The following PCDHA6 variants were observed in gnomAD, a reference collection of about 807,000 sequenced individuals.
PCDHA6 encodes the protein protocadherin alpha-6.
A neutral mutation model predicts 60.3 loss-of-function variants in PCDHA6; 55 were observed. The ratio of observed to expected loss-of-function variants is 0.91; its 90% CI spans 0.73 to 1.14. The LOEUF is 1.14. Among genes scored for constraint, PCDHA6 ranks in the 50% most tolerant of loss-of-function variants. The pLI is 0.00. For synonymous variants in PCDHA6, 652 were observed against 557.9 expected (o/e 1.17, Z -2.38); for missense variants, 1,327 against 1,256.5 (o/e 1.06, Z -0.85).
intron 1 of PCDHA6, among the ~76,000 whole-genome samples, chr5:140,899,462 T>C (rs2067338282): frequency 6.6e-6 from 1 of 152,366 alleles, no homozygotes; most frequent in Admixed American, 6.5e-5. Context: ...GTGGTTTTTG[T>C]CTTTGGTTCT....
intron 1 of PCDHA6, chr5:140,884,365 CT>C (rs1264541175): frequency 6.2e-7 from 1 of 1,613,846 alleles, no homozygotes; most frequent in Non-Finnish European, 8.5e-7. Context: ...TCAATGTTTA[CT>C]TGATCATTGC....
chr5:140,879,806 T>C (rs2058125905), intron 1 of PCDHA6, among the ~76,000 whole-genome samples: 1 of 152,250 alleles, frequency 6.6e-6, no homozygotes, highest in Non-Finnish European at 1.5e-5. Context: ...CCAGTTTCTA[T>C]TGGCTGTTGG....
At chr5:140,982,298 A>G (rs1371152402) in intron 2 of PCDHA6, 177 bp from the exon 3 acceptor site, 12 of 1,189,736 alleles carry the variant, frequency 1.0e-5, no homozygotes, top group Admixed American at 5.6e-5. Flanking sequence ...TAAGTCAGCA[A>G]TGCTTCTGCA....
intron 1 of PCDHA6, chr5:140,870,786 G>T: frequency 6.2e-7 from 1 of 1,613,634 alleles, no homozygotes; most frequent in East Asian, 2.2e-5. Context: ...ACGACAACGC[G>T]CCGGCACTGC....
At position 140,929,511 on chromosome 5, in the gene PCDHA6, G is replaced by A. The variant is rs113234119; in HGVS notation, c.2395-49438G>A. On this transcript the variant is annotated intron_variant, in intron 1 of 3. Coordinates refer to ENST00000529310, the MANE Select transcript of PCDHA6 (RefSeq NM_018909.4). ...TTAGAAGATTGCCCTAGGCCTCAAG[G>A]GACTTATAGTTTATTTTTGAGAAAC... 1,947 of 781,082 alleles carry A rather than the reference G, an allele frequency of 2.5e-3. 24 individuals carry two copies. The African/African-American group carries it at 0.032, about 13-fold the overall frequency. 48.4% of individuals were successfully genotyped at this position (781,082 alleles called of 1,614,324 possible).
chr5:140,902,201 T>C (rs1554190261), intron 1 of PCDHA6, among the ~76,000 whole-genome samples: 1 of 145,052 alleles, frequency 6.9e-6, no homozygotes. Flanking sequence ...CTCTCTCTCT[T>C]TCTTTTTTTT....
intron 3 of PCDHA6, among the ~76,000 whole-genome samples, chr5:140,985,903 C>G (rs1554247500): frequency 6.6e-6 from 1 of 151,964 alleles, no homozygotes; most frequent in Non-Finnish European, 1.5e-5. Context: ...CCACTCCCGT[C>G]TAATTTTTTG....
At chr5:141,000,381 CTCTCTCTCTCTCTCTA>C (rs1443323474) in intron 3 of PCDHA6, among the ~76,000 whole-genome samples, 1 of 61,380 alleles carries the variant, frequency 1.6e-5, no homozygotes, top group African/African-American at 7.4e-5. Flanking sequence ...CTCTCTCTCT[CTCTCTCTCTCTCTCTA>C]TATATATATA....
chr5:140,876,936 G>T, intron 1 of PCDHA6: 1 of 1,613,730 alleles, frequency 6.2e-7, no homozygotes, highest in South Asian at 1.1e-5. Flanking sequence ...AGAAGAACGC[G>T]CTGGTGTCCT....
At chr5:140,981,766 T>C (rs1321747581) in intron 2 of PCDHA6, among the ~76,000 whole-genome samples, 7 of 152,144 alleles carry the variant, frequency 4.6e-5, no homozygotes, top group Non-Finnish European at 1.0e-4. Flanking sequence ...CATACATAAA[T>C]GAATACTGCA....
intron 1 of PCDHA6, among the ~76,000 whole-genome samples, chr5:140,900,528 C>T (rs1261076566): frequency 2.6e-5 from 4 of 152,214 alleles, no homozygotes; most frequent in South Asian, 4.1e-4. Flanking sequence ...CTGCCCACCT[C>T]GGCTTTCCAA....
chr5:140,835,608 C>A (rs1554135105), intron 1 of PCDHA6: 3 of 1,613,898 alleles, frequency 1.9e-6, no homozygotes, highest in South Asian at 2.2e-5. Flanking sequence ...TTCATTGGTG[C>A]TGGACAGCGC....
chr5:140,927,814 G>GCATA (rs1554205103), intron 1 of PCDHA6: 1 of 1,614,172 alleles, frequency 6.2e-7, no homozygotes, highest in Non-Finnish European at 8.5e-7. Context: ...GCTCTTGGAG[G>GCATA]CATACATTGA....
intron 1 of PCDHA6, chr5:140,853,312 G>A (rs931070085): frequency 1.0e-6 from 1 of 983,988 alleles, no homozygotes; most frequent in Non-Finnish European, 1.2e-6. Context: ...GAACACCTTA[G>A]TAATAAATTT....
rs781930086 is a variant in PCDHA6, at chr5:140,857,347, G to C, written c.2394+26862G>C. On this transcript the variant is annotated intron_variant, in intron 1 of 3. Coordinates refer to ENST00000529310, the MANE Select transcript of PCDHA6 (RefSeq NM_018909.4). The stretch of plus-strand genomic sequence containing the variant: ...CCGCGCGGGACGGGGGCTCGCCTCC[G>C]CTGTGGGCCACGGCCAGCGTGTCTG... 2.9e-5 allele frequency: 46 copies of C among 1,598,352 alleles called. 5 individuals are homozygous for C. In the Admixed American group the frequency reaches 3.4e-4, roughly 12 times the overall value.
In PCDHA6 at chr5:140,830,646, T is replaced by C. The variant is rs1199441210; in HGVS notation, c.2394+161T>C. 6.5e-6 allele frequency: 3 copies of C among 458,330 alleles called. No homozygotes were observed. In the Admixed American group the frequency reaches 1.3e-4, roughly 20 times the overall value. The allele number at this position is 458,330 out of a possible 1,614,324, so 28.4% of individuals were successfully genotyped here. On this transcript the variant is annotated intron_variant, in intron 1 of 3. Transcript: ENST00000529310. ...TCTTATTTTAATCTCTTTGCTTCTT[T>C]AATATTCATAATTTAAGTGAAATTA...
At chr5:140,914,944 CTTTT>C (rs35695909) in intron 1 of PCDHA6, among the ~76,000 whole-genome samples, 298 of 128,244 alleles carry the variant, frequency 2.3e-3, no homozygotes, top group African/African-American at 8.2e-3. Flanking sequence ...GAAAAGTTGT[CTTTT>C]TTTTTTTTTT....
Position 140,856,604 on chromosome 5 carries a change from GA to G in PCDHA6, c.2394+26120del, listed in dbSNP as rs782310012. On this transcript the variant is annotated intron_variant, in intron 1 of 3. Transcript: ENST00000529310. ...TGTTCTTGATATTATAAACAAAAAA[GA>G]CAAAGACAAATTCCCAGTGCTTGTT... 3.6e-5 allele frequency: 57 copies of G among 1,597,724 alleles called. 2 individuals are homozygous for G. In the African/African-American group the frequency reaches 6.7e-4, roughly 19 times the overall value.
chr5:140,965,834 G>T (rs1018708290), intron 1 of PCDHA6, among the ~76,000 whole-genome samples: 1 of 152,128 alleles, frequency 6.6e-6, no homozygotes, highest in Admixed American at 6.5e-5. Context: ...TTAAATATTG[G>T]TTATTTGCCA....
Sources: allele counts gnomAD v4.1 joint callset (sites outside exome capture counted in the v4.1 genomes callset), GRCh38; gene constraint gnomAD v4.1.1; transcripts MANE v1.5; gene names NCBI Gene and HGNC (gene_info 2026-07-23, HGNC 2026-07-21).